PCDH15: variants seen among roughly 807,000 people sequenced by gnomAD.
PCDH15 encodes protocadherin related 15, also known as protocadherin-15.
PCDH15 carries 129 observed loss-of-function variants against 178.5 expected under a neutral mutation model. The ratio of observed to expected loss-of-function variants is 0.72; its 90% confidence interval spans 0.63 to 0.84. The LOEUF is 0.84. Ranked by LOEUF, PCDH15 falls within the 40% of genes least tolerant of loss-of-function variation. PCDH15 has a pLI of 0.00. For missense variants in PCDH15, 2,230 were observed against 2,099.9 expected (o/e 1.06, Z -1.21); for synonymous variants, 800 against 732.0 (o/e 1.09, Z -1.50).
chr10:55,005,265 G>T (rs1237571385), intron 2 of PCDH15, among the ~76,000 whole-genome samples: 4 of 137,200 alleles, frequency 2.9e-5, no homozygotes, highest in Non-Finnish European at 4.6e-5. Flanking sequence ...TTTTTATCTT[G>T]TACTCCAAAT....
chr10:54,305,864 C>A (rs1053308754), intron 8 of PCDH15, among the ~76,000 whole-genome samples: 2 of 151,732 alleles, frequency 1.3e-5, no homozygotes, highest in East Asian at 1.9e-4. Context: ...CATTTCACCT[C>A]AGCCAAAGAA....
At chr10:54,062,529 T>C (rs2094051461) in intron 18 of PCDH15, among the ~76,000 whole-genome samples, 1 of 152,102 alleles carries the variant, frequency 6.6e-6, no homozygotes, top group Non-Finnish European at 1.5e-5. Context: ...CCTATAAACA[T>C]TACACTGTGC....
intron 2 of PCDH15, among the ~76,000 whole-genome samples, chr10:54,644,785 T>C (rs1454241935): frequency 7.9e-5 from 12 of 152,178 alleles, no homozygotes; most frequent in Non-Finnish European, 1.6e-4. Context: ...TGCAACAACA[T>C]TAAGAGGTTG....
chr10:54,410,837 TA>T (rs1237145399), intron 3 of PCDH15, among the ~76,000 whole-genome samples: 2 of 152,106 alleles, frequency 1.3e-5, no homozygotes, highest in Admixed American at 1.3e-4. Flanking sequence ...TCAAAAATGA[TA>T]GACCCACTGT....
At chr10:55,120,009 C>A (rs1477495740) in intron 2 of PCDH15, among the ~76,000 whole-genome samples, 1 of 151,062 alleles carries the variant, frequency 6.6e-6, no homozygotes, top group African/African-American at 2.4e-5. Flanking sequence ...TGACTGTTTT[C>A]AAGAAGAGTG....
At chr10:53,999,111 A>G (rs889283024) in intron 20 of PCDH15, among the ~76,000 whole-genome samples, 1 of 151,996 alleles carries the variant, frequency 6.6e-6, no homozygotes, top group African/African-American at 2.4e-5. Flanking sequence ...TACCATACTA[A>G]AGCTAATTCA....
chr10:55,368,063 T>C (rs748362467), intron 2 of PCDH15, among the ~76,000 whole-genome samples: 4 of 152,102 alleles, frequency 2.6e-5, no homozygotes, highest in Non-Finnish European at 5.9e-5. Context: ...TGACTTATAA[T>C]AGGATGGTCC....
At chr10:53,913,679 G>A (rs1025864761) in intron 25 of PCDH15, among the ~76,000 whole-genome samples, 40 of 151,650 alleles carry the variant, frequency 2.6e-4, no homozygotes, top group African/African-American at 9.7e-4. Flanking sequence ...GGGAGGCAGA[G>A]CTTGCAGTGA....
At chr10:54,740,031 T>C (rs747696168) in intron 1 of PCDH15, among the ~76,000 whole-genome samples, 11 of 151,870 alleles carry the variant, frequency 7.2e-5, no homozygotes, top group Non-Finnish European at 1.3e-4. Context: ...AATAGAGAAA[T>C]GGGATTACAC....
intron 3 of PCDH15, among the ~76,000 whole-genome samples, chr10:54,420,778 T>G (rs1758830): frequency 0.21 from 31,987 of 151,954 alleles, 4,260 homozygotes; most frequent in African/African-American, 0.38. Context: ...ATACTGAGAA[T>G]AGTTGATTGG....
At chr10:55,265,311 G>GATATATATATATATATAT (rs146070132) in intron 1 of PCDH15, among the ~76,000 whole-genome samples, 52 of 144,244 alleles carry the variant, frequency 3.6e-4, no homozygotes, top group African/African-American at 1.1e-3. Context: ...GTATCTCTAT[G>GATATATATATATATATAT]ATATATATAT....
At chr10:54,498,757 G>A (rs181481180) in intron 3 of PCDH15, among the ~76,000 whole-genome samples, 7 of 152,244 alleles carry the variant, frequency 4.6e-5, no homozygotes, top group African/African-American at 1.4e-4. Flanking sequence ...GTAATAGTCT[G>A]TTCTTGCACT....
chr10:54,321,295 C>G (rs1005280825), intron 7 of PCDH15, among the ~76,000 whole-genome samples: 4 of 150,188 alleles, frequency 2.7e-5, no homozygotes, highest in Non-Finnish European at 5.9e-5. Context: ...TTCTGAGTAG[C>G]TAGGACTATA....
At chr10:54,769,598 A>C (rs866449850) in intron 1 of PCDH15, among the ~76,000 whole-genome samples, 1 of 151,974 alleles carries the variant, frequency 6.6e-6, no homozygotes, top group African/African-American at 2.4e-5. Flanking sequence ...TATTTACAGG[A>C]AACATCATCA....
At chr10:53,888,356 A>ACGTATATATATGTACG (rs2081294056) in intron 26 of PCDH15, among the ~76,000 whole-genome samples, 1 of 70,988 alleles carries the variant, frequency 1.4e-5, no homozygotes, top group African/African-American at 4.3e-5. Flanking sequence ...ATACGTATAT[A>ACGTATATATATGTACG]TACATATATA....
chr10:54,575,062 G>A (rs10430480), intron 2 of PCDH15, among the ~76,000 whole-genome samples: 126,209 of 132,290 alleles, frequency 0.95, 60,307 homozygotes, highest in Middle Eastern at 0.98. Flanking sequence ...AAAAAACCAA[G>A]CACCACATAT....
intron 2 of PCDH15, among the ~76,000 whole-genome samples, chr10:55,461,228 C>T (rs1839669659): frequency 6.6e-6 from 1 of 152,144 alleles, no homozygotes. Context: ...GCATCATGGT[C>T]TCTTCAGGAC....
intron 2 of PCDH15, among the ~76,000 whole-genome samples, chr10:54,938,996 G>C (rs1027487820): frequency 6.6e-6 from 1 of 152,094 alleles, no homozygotes; most frequent in Non-Finnish European, 1.5e-5. Flanking sequence ...GTAATATCTT[G>C]ATTTTATTCT....
intron 7 of PCDH15, among the ~76,000 whole-genome samples, chr10:54,325,999 C>A (rs1003545120): frequency 1.3e-5 from 2 of 152,024 alleles, no homozygotes; most frequent in Admixed American, 6.6e-5. Flanking sequence ...TTATCATATA[C>A]AAACAAAGAT....
Sources: allele counts gnomAD v4.1 joint callset (sites outside exome capture counted in the v4.1 genomes callset), GRCh38; gene constraint gnomAD v4.1.1; transcripts MANE v1.5; gene names NCBI Gene and HGNC (gene_info 2026-07-23, HGNC 2026-07-21).